Variants in CLNK observed in about 807,000 individuals in gnomAD.
CLNK encodes cytokine dependent hematopoietic cell linker.
Under a neutral mutation model 68.6 loss-of-function variants are expected in CLNK, and 74 were observed. That is an observed-to-expected ratio of 1.08 (90% confidence interval 0.89 to 1.31). CLNK has a LOEUF of 1.31. CLNK is among the 50% of genes most tolerant of loss of function. The probability of loss-of-function intolerance (pLI) is 0.00; values close to 1 mark genes in which losing one functional copy is unlikely to be tolerated. For missense variants in CLNK, 553 were observed against 515.3 expected (o/e 1.07, Z -0.71); for synonymous variants, 198 against 172.2 (o/e 1.15, Z -1.17).
the CLNK span, among the ~76,000 whole-genome samples, chr4:10,712,316 GGGT>G: frequency 1.3e-5 from 2 of 151,978 alleles, no homozygotes; most frequent in East Asian, 1.9e-4. Context: ...ATCAGGGGTG[GGGT>G]GGTGGTGGTG....
chr4:10,612,635 G>C (rs1290831472), intron 2 of CLNK, among the ~76,000 whole-genome samples: 3 of 152,196 alleles, frequency 2.0e-5, no homozygotes, highest in Non-Finnish European at 4.4e-5. Flanking sequence ...TGGAATCCTA[G>C]ATTTACCCCA....
chr4:10,629,567 A>C (rs1443946047), intron 2 of CLNK, among the ~76,000 whole-genome samples: 1 of 152,232 alleles, frequency 6.6e-6, no homozygotes, highest in Non-Finnish European at 1.5e-5. Context: ...GGGGACGCCC[A>C]CATCAAGAAA....
At chr4:10,710,686 C>T in the CLNK span, among the ~76,000 whole-genome samples, 2 of 152,174 alleles carry the variant, frequency 1.3e-5, no homozygotes, top group East Asian at 3.9e-4. Flanking sequence ...AGTCAGAGGC[C>T]TTGTTTCTCC....
At chr4:10,565,190 C>G (rs543896405) in intron 6 of CLNK, among the ~76,000 whole-genome samples, 5 of 152,146 alleles carry the variant, frequency 3.3e-5, no homozygotes, top group Non-Finnish European at 4.4e-5. Context: ...TTGCACCTTC[C>G]TGAGGGTATG....
chr4:10,642,466 G>A (rs1177438120), intron 2 of CLNK, among the ~76,000 whole-genome samples: 1 of 152,204 alleles, frequency 6.6e-6, no homozygotes, highest in Non-Finnish European at 1.5e-5. Context: ...AGGTAGACCA[G>A]TTGGGGAGAG....
At chr4:10,588,806 T>C (rs1469362043) in intron 3 of CLNK, among the ~76,000 whole-genome samples, 1 of 151,998 alleles carries the variant, frequency 6.6e-6, no homozygotes, top group Non-Finnish European at 1.5e-5. Context: ...TACATCTATA[T>C]TATATATCTA....
intron 18 of CLNK, among the ~76,000 whole-genome samples, chr4:10,500,334 C>T (rs1004159909): frequency 3.3e-5 from 5 of 152,098 alleles, no homozygotes; most frequent in African/African-American, 1.2e-4. Flanking sequence ...CCCAGTTTTC[C>T]TACATCTAAG....
intron 1 of CLNK, among the ~76,000 whole-genome samples, chr4:10,678,124 T>G (rs1037205178): frequency 3.3e-5 from 5 of 152,196 alleles, no homozygotes; most frequent in Non-Finnish European, 7.3e-5. Context: ...TAACTATTTC[T>G]TTTTCTCTTC....
At chr4:10,664,427 C>T (rs1352792003) in intron 2 of CLNK, among the ~76,000 whole-genome samples, 1 of 152,112 alleles carries the variant, frequency 6.6e-6, no homozygotes, top group African/African-American at 2.4e-5. Flanking sequence ...AAAAGGAAAA[C>T]CTCTGTGTGT....
At chr4:10,733,325 A>G in the CLNK span, among the ~76,000 whole-genome samples, 1 of 151,296 alleles carries the variant, frequency 6.6e-6, no homozygotes, top group Non-Finnish European at 1.5e-5. Flanking sequence ...ACAACAGCCC[A>G]CCTTCCCCCC....
the CLNK span, among the ~76,000 whole-genome samples, chr4:10,720,136 T>A: frequency 3.9e-5 from 6 of 151,948 alleles, no homozygotes; most frequent in East Asian, 9.7e-4. Flanking sequence ...AAGATCCTAC[T>A]TCAAGAACCT....
At chr4:10,650,019 A>T (rs1401798669) in intron 2 of CLNK, among the ~76,000 whole-genome samples, 1 of 152,212 alleles carries the variant, frequency 6.6e-6, no homozygotes, top group Non-Finnish European at 1.5e-5. Context: ...GGACACATGA[A>T]CAAAGTGTAC....
chr4:10,676,973 C>T (rs1057169135), intron 1 of CLNK, among the ~76,000 whole-genome samples: 4 of 113,732 alleles, frequency 3.5e-5, no homozygotes, highest in African/African-American at 9.3e-5. Context: ...ACCTCTGTCT[C>T]GCCCCTATTT....
chr4:10,551,406 G>A (rs1168675356), intron 8 of CLNK, among the ~76,000 whole-genome samples: 2 of 145,388 alleles, frequency 1.4e-5, no homozygotes, highest in Admixed American at 7.0e-5. Context: ...CACCATGCCC[G>A]GCTAATTTTT....
intron 2 of CLNK, among the ~76,000 whole-genome samples, chr4:10,631,943 C>T (rs974770316): frequency 6.6e-5 from 10 of 152,122 alleles, no homozygotes; most frequent in African/African-American, 2.4e-4. Context: ...ACACCTACCC[C>T]TGTTTCTGAA....
chr4:10,723,851 C>G, the CLNK span, among the ~76,000 whole-genome samples: 4 of 73,934 alleles, frequency 5.4e-5, no homozygotes, highest in Non-Finnish European at 1.3e-4. Flanking sequence ...TGCTAGTGCT[C>G]CCTGGAGAGG....
intron 2 of CLNK, among the ~76,000 whole-genome samples, chr4:10,627,611 G>A (rs1722724418): frequency 6.6e-6 from 1 of 152,080 alleles, no homozygotes; most frequent in African/African-American, 2.4e-5. Flanking sequence ...ACACAGAGAG[G>A]GACAGAGAGA....
At chr4:10,506,300 G>A (rs1209943773) in intron 17 of CLNK, among the ~76,000 whole-genome samples, 1 of 152,176 alleles carries the variant, frequency 6.6e-6, no homozygotes, top group Non-Finnish European at 1.5e-5. Flanking sequence ...GAAAGCAGAA[G>A]TAAAATATGT....
chr4:10,618,215 G>A (rs141795223), intron 2 of CLNK, among the ~76,000 whole-genome samples: 10 of 152,226 alleles, frequency 6.6e-5, no homozygotes, highest in East Asian at 5.8e-4. Context: ...ACTGTTACAC[G>A]CGCTACATCA....
Sources: allele counts gnomAD v4.1 joint callset (sites outside exome capture counted in the v4.1 genomes callset), GRCh38; gene constraint gnomAD v4.1.1; transcripts MANE v1.5; gene names NCBI Gene and HGNC (gene_info 2026-07-23, HGNC 2026-07-21).